RABL3: variants seen among roughly 807,000 people sequenced by gnomAD.
RABL3 encodes the protein rab-like protein 3.
RABL3 carries 31 observed loss-of-function variants against 31.8 expected under a neutral mutation model. The observed-to-expected ratio is 0.97, with a 90% CI of 0.73 to 1.31. The LOEUF (loss-of-function observed/expected upper bound fraction) is 1.31. Ranked by LOEUF, RABL3 falls within the 40% of genes most tolerant of loss-of-function variation. The pLI, the probability that RABL3 is intolerant of heterozygous loss-of-function variation, is 0.00. For synonymous variants in RABL3, 97 were observed against 99.9 expected (o/e 0.97, Z 0.18); for missense variants, 263 against 279.6 (o/e 0.94, Z 0.42).
rs3037698 is a variant in RABL3 at position 120,696,592 on chromosome 3, AACACACACACACACACACAC to A, written c.534+1811_534+1830del. On this transcript the variant is annotated intron_variant, in intron 5 of 7. Transcript: ENST00000273375. Reference sequence around the variant, plus strand: ...TTGGCTTTGTAAGGCAAGTAGGAATAACACACACACACACACACACACACACACACACACACATGCACGCG... The same window carrying A: ...TTGGCTTTGTAAGGCAAGTAGGAATAACACACACACACACACATGCACGCG... 8.2e-4 allele frequency among the ~76,000 whole-genome samples: 121 copies of A among 147,562 alleles called. 1 individual carries two copies. The South Asian group carries it at 0.026, about 32-fold the overall frequency.
At chr3:120,728,777 AAAATATTTTGAGACAGAGAG>A (rs895555298) in intron 2 of RABL3, among the ~76,000 whole-genome samples, 145 of 152,332 alleles carry the variant, frequency 9.5e-4, no homozygotes, top group African/African-American at 3.2e-3. Flanking sequence ...AAATGCTATA[AAAATATTTTGAGACAGAGAG>A]AAAGAGTACA....
At chr3:120,734,364 G>A (rs1433130907) in intron 1 of RABL3, among the ~76,000 whole-genome samples, 1 of 152,196 alleles carries the variant, frequency 6.6e-6, no homozygotes, top group Non-Finnish European at 1.5e-5. Context: ...TGGTGTATAA[G>A]AATGCTTGTG....
At chr3:120,700,866 A>G (rs1708484805) in intron 4 of RABL3, among the ~76,000 whole-genome samples, 1 of 152,094 alleles carries the variant, frequency 6.6e-6, no homozygotes, top group African/African-American at 2.4e-5. Flanking sequence ...GTATTTACAT[A>G]TGTTTAAAAT....
intron 2 of RABL3, among the ~76,000 whole-genome samples, chr3:120,723,810 G>C (rs1313806545): frequency 6.6e-6 from 1 of 151,852 alleles, no homozygotes; most frequent in Non-Finnish European, 1.5e-5. Flanking sequence ...AAAATAATAA[G>C]AGCTATCTAT....
intron 2 of RABL3, among the ~76,000 whole-genome samples, chr3:120,721,747 C>A (rs1366577729): frequency 6.6e-6 from 1 of 152,194 alleles, no homozygotes; most frequent in Admixed American, 6.5e-5. Flanking sequence ...TAACACACCA[C>A]TGTCAACATT....
In RABL3 at chr3:120,685,414, T is replaced by C. The variant is rs1708297841; in HGVS notation, c.*4409A>G. Among the ~76,000 whole-genome samples, 1 of 152,170 alleles carries C rather than the reference T, an allele frequency of 6.6e-6. No individual in the cohort carries two copies. The highest frequency in any genetic ancestry group is 1.5e-5 in the Non-Finnish European group (1 of 68,030). On this transcript the variant is annotated 3_prime_UTR_variant, in exon 8 of 8. Coordinates refer to ENST00000273375, the MANE Select transcript of RABL3 (RefSeq NM_173825.5). ...AGTTATTGATGACCTCGGTAAAGCT[T>C]AGTGATTAGCCAGCTGAGAAAACAC...
chr3:120,695,467 A>G (rs1576330892), intron 5 of RABL3, among the ~76,000 whole-genome samples: 1 of 152,240 alleles, frequency 6.6e-6, no homozygotes, highest in East Asian at 1.9e-4. Context: ...GGATAACAAT[A>G]TTTTATTTCA....
chr3:120,742,250 C>G (rs1490595599), intron 1 of RABL3, among the ~76,000 whole-genome samples: 1 of 151,728 alleles, frequency 6.6e-6, no homozygotes, highest in Non-Finnish European at 1.5e-5. Context: ...AGGCAAAAGA[C>G]CCGGGCTCCG....
chr3:120,696,630 T>C (rs1281025690), intron 5 of RABL3, among the ~76,000 whole-genome samples: 7 of 136,496 alleles, frequency 5.1e-5, no homozygotes, highest in African/African-American at 8.3e-5. Context: ...CACACACACA[T>C]GCACGCGATT....
rs531213711 is a variant in RABL3 at position 120,688,798 on chromosome 3, A to ACG, written c.*1024_*1025insCG. On this transcript the variant is annotated 3_prime_UTR_variant, in exon 8 of 8. Coordinates refer to ENST00000273375, the MANE Select transcript of RABL3 (RefSeq NM_173825.5). Reference sequence around the variant, plus strand: ...AAAGTAATGATGAACAATTACGGACACACACACACACACACACCATCCCCA... The same window carrying ACG: ...AAAGTAATGATGAACAATTACGGACACGCACACACACACACACACCATCCCCA... The ACG allele has an allele frequency of 2.4e-3, 359 of 150,752 alleles. 3 individuals are homozygous for ACG. Among genetic ancestry groups the ACG allele is most frequent in the African/African-American group, 8.2e-3 (337 of 41,322 alleles). The allele number at this position is 150,752 out of a possible 1,614,324, so 9.3% of individuals were successfully genotyped here.
intron 2 of RABL3, among the ~76,000 whole-genome samples, chr3:120,728,609 G>A (rs1324579855): frequency 2.0e-5 from 3 of 152,078 alleles, no homozygotes; most frequent in East Asian, 1.9e-4. Context: ...GCTAAATGAC[G>A]AGTTAATGGG....
At position 120,687,427 on chromosome 3, in the gene RABL3, C is replaced by A. The variant is rs188380780; in HGVS notation, c.*2396G>T. The A allele has an allele frequency of 1.6e-4, 24 of 152,224 alleles. No homozygotes were observed. The highest frequency in any genetic ancestry group is 5.3e-4 in the African/African-American group (22 of 41,536). The allele number at this position is 152,224 out of a possible 1,614,324, so 9.4% of individuals were successfully genotyped here. A position where few individuals can be genotyped will look rare whatever the true frequency, so the allele number is the denominator to read the frequency against. ...TCTCCTAGAGTGCTGGGATTATAGG[C>A]GTGAGCCAGCACCTGGCCAATTATA... On this transcript the variant is annotated 3_prime_UTR_variant, in exon 8 of 8. Coordinates refer to ENST00000273375, the MANE Select transcript of RABL3 (RefSeq NM_173825.5).
At chr3:120,694,895 C>T (rs186381025) in intron 5 of RABL3, among the ~76,000 whole-genome samples, 73 of 150,280 alleles carry the variant, frequency 4.9e-4, no homozygotes, top group Middle Eastern at 3.5e-3. Flanking sequence ...CGATCTGGAA[C>T]ATTAATCATT....
intron 1 of RABL3, among the ~76,000 whole-genome samples, chr3:120,732,500 G>A (rs1708896836): frequency 6.6e-6 from 1 of 151,980 alleles, no homozygotes; most frequent in South Asian, 2.1e-4. Context: ...GCCATCTGTT[G>A]ATTTATTTGC....
intron 2 of RABL3, among the ~76,000 whole-genome samples, chr3:120,727,096 T>C (rs1234418667): frequency 6.6e-6 from 1 of 152,032 alleles, no homozygotes; most frequent in African/African-American, 2.4e-5. Flanking sequence ...AATTAAGCAA[T>C]TACTGATGTC....
At position 120,706,084 on chromosome 3, in the gene RABL3, T is replaced by C. The variant is rs377665412; in HGVS notation, c.299A>G (p.Lys100Arg). The C allele has an allele frequency of 4.4e-5, 71 of 1,613,044 alleles. No homozygotes were observed. The highest frequency in any genetic ancestry group is 5.7e-5 in the Non-Finnish European group (67 of 1,179,124). The change falls in exon 4 of 8, where the codon AAG (lysine) becomes AGG (arginine). Residue 100 changes from lysine (K) to arginine (R), a missense_variant. Transcript: ENST00000273375. ...ACGACGCAAGTTTTGGGAGGACTTC[T>C]TATTTGTTAAGTCGTGTACGAAAAT... is the stretch of plus-strand genomic sequence containing the variant. The part of the protein sequence containing the change: ...GIIFVHDLTN[K>R]KSSQNLRRWS...
chr3:120,741,108 T>C (rs1464412593), intron 1 of RABL3, among the ~76,000 whole-genome samples: 2 of 152,254 alleles, frequency 1.3e-5, no homozygotes, highest in Admixed American at 6.5e-5. Context: ...TAACGTATCA[T>C]GAAGAAGTCT....
chr3:120,709,642 T>G, intron 3 of RABL3, 138 bp downstream of exon 3: 1 of 597,608 alleles, frequency 1.7e-6, no homozygotes. Flanking sequence ...GAATGTACTA[T>G]GCAGATTTAA....
chr3:120,690,449 C>G lies in RABL3; in HGVS notation c.645G>C (p.Gln215His). 1 of 1,579,458 alleles carries G rather than the reference C, an allele frequency of 6.3e-7. No individual in the cohort carries two copies. Among genetic ancestry groups the G allele is most frequent in the Non-Finnish European group, 8.7e-7 (1 of 1,149,202 alleles). The change falls in exon 7 of 8, where the codon CAG becomes CAC. Residue 215 changes from glutamine to histidine, a missense_variant and splice_region_variant. Coordinates refer to ENST00000273375, the MANE Select transcript of RABL3 (RefSeq NM_173825.5). Reference sequence around the variant, plus strand: ...TTTTATCAAGAAAAGAGATACCAACCTGATTACCTTCTCTTAAAAAGTATC... The same window carrying G: ...TTTTATCAAGAAAAGAGATACCAACGTGATTACCTTCTCTTAAAAAGTATC... ...EKRYFLREGN[Q>H]IPGFPDRKRF... is the part of the protein sequence containing the mutation.
Sources: allele counts gnomAD v4.1 joint callset (sites outside exome capture counted in the v4.1 genomes callset), GRCh38; gene constraint gnomAD v4.1.1; transcripts MANE v1.5; gene names NCBI Gene and HGNC (gene_info 2026-07-23, HGNC 2026-07-21).